The following ORC3 variants were observed in gnomAD, a reference collection of about 807,000 sequenced individuals.
The protein encoded by ORC3 is homolog of latheo, Drosophila.
Under a neutral mutation model 100.7 loss-of-function variants are expected in ORC3, and 78 were observed. The ratio of observed to expected loss-of-function variants is 0.77; its 90% CI spans 0.65 to 0.94. The LOEUF (loss-of-function observed/expected upper bound fraction) is 0.94, where lower values mean the gene tolerates loss of function less well. Among genes scored for constraint, ORC3 ranks in the 40% least tolerant of loss-of-function variants. The pLI is 0.00. For synonymous variants in ORC3, 295 were observed against 289.3 expected (o/e 1.02, Z -0.20); for missense variants, 789 against 823.9 (o/e 0.96, Z 0.52).
chr6:87,601,433 G>A (rs2128247313), intron 2 of ORC3, among the ~76,000 whole-genome samples: 1 of 152,330 alleles, frequency 6.6e-6, no homozygotes, highest in South Asian at 2.1e-4. Context: ...TACTTTGGGA[G>A]GCCAAGGTGG....
At chr6:87,607,862 C>A in intron 6 of ORC3, 38 bp downstream of exon 6, 2 of 1,476,490 alleles carry the variant, frequency 1.4e-6, no homozygotes, top group Non-Finnish European at 1.9e-6. Context: ...AGGAAATTGA[C>A]GTATGATTGA....
At chr6:87,668,363 G>T (rs1221910570), downstream of ORC3, among the ~76,000 whole-genome samples, 3 of 152,162 alleles carry the variant, frequency 2.0e-5, no homozygotes, top group African/African-American at 4.8e-5. Context: ...CTTGGAAACA[G>T]AAGTGTTTTG....
chr6:87,644,812 G>A (rs1768623031), intron 13 of ORC3, among the ~76,000 whole-genome samples: 1 of 151,834 alleles, frequency 6.6e-6, no homozygotes, highest in Non-Finnish European at 1.5e-5. Flanking sequence ...TTGTGCCAGT[G>A]CACTCTAGGC....
intron 11 of ORC3, among the ~76,000 whole-genome samples, chr6:87,625,647 G>C (rs781059868): frequency 6.6e-6 from 1 of 152,130 alleles, no homozygotes; most frequent in African/African-American, 2.4e-5. Flanking sequence ...TAGGTTGCCT[G>C]TTCACTCTGA....
At chr6:87,629,584 G>A (rs1767228243) in intron 11 of ORC3, among the ~76,000 whole-genome samples, 1 of 103,336 alleles carries the variant, frequency 9.7e-6, no homozygotes, top group South Asian at 3.1e-4. Context: ...ATAGATTCAG[G>A]GGGTTACAGG....
intron 3 of ORC3, 82 bp downstream of exon 3, chr6:87,601,963 A>G: frequency 1.2e-6 from 1 of 818,248 alleles, no homozygotes; most frequent in Non-Finnish European, 2.1e-6. Flanking sequence ...ACCAGTTTAC[A>G]AGAGTATTGA....
In ORC3 at chr6:87,664,832, G is replaced by C; in HGVS notation, c.1923G>C (p.Arg641Ser). Residue 641 changes from arginine (R) to serine (S), a missense_variant, in exon 18 of 20, where the codon AGG (arginine) becomes AGC (serine). Coordinates refer to ENST00000392844, the MANE Select transcript of ORC3 (RefSeq NM_012381.4). ...IAYKLHLECS[R>S]LINLVDWSEA... Reference sequence around the variant, plus strand: ...ACAAACTGCACCTAGAGTGTAGCAGGCTCATCAACCTCGTGGACTGGTCAG... The same window carrying C: ...ACAAACTGCACCTAGAGTGTAGCAGCCTCATCAACCTCGTGGACTGGTCAG... 2 of 1,613,338 alleles carry C rather than the reference G, an allele frequency of 1.2e-6. No homozygotes were observed. Among genetic ancestry groups the C allele is most frequent in the Non-Finnish European group, 1.7e-6 (2 of 1,179,336 alleles).
rs141609371 is a variant in ORC3, at chr6:87,591,892, C to T, written c.24+1700C>T. Among the ~76,000 whole-genome samples, 401 of 152,232 alleles carry T rather than the reference C, an allele frequency of 2.6e-3. 2 individuals carry two copies. Among genetic ancestry groups the T allele is most frequent in the African/African-American group, 9.1e-3 (376 of 41,534 alleles). On this transcript the variant is annotated intron_variant, in intron 1 of 19. Transcript: ENST00000392844. ...GATTACAGACATGCCCCACTACACC[C>T]AGCTAATTTTGTATTTTTAGAAGAG...
At chr6:87,606,074 A>G (rs1778319316) in intron 5 of ORC3, 53 bp downstream of exon 5, 2 of 981,946 alleles carry the variant, frequency 2.0e-6, no homozygotes, top group South Asian at 2.7e-5. Flanking sequence ...GACTTCTTTC[A>G]TCCTTTTCTC....
chr6:87,634,879 T>A lies in ORC3; in HGVS notation c.1220T>A (p.Val407Asp). Reference sequence around the variant, plus strand: ...CAATTATTACTAGAAAACCTGCATGTTTATCATATGAATTACTTCCTGGTT... The same window carrying A: ...CAATTATTACTAGAAAACCTGCATGATTATCATATGAATTACTTCCTGGTT... Reference protein sequence around the residue: ...ETQLLLENLHVYHMNYFLVLR... With the variant: ...ETQLLLENLHDYHMNYFLVLR... The change falls in exon 12 of 20, where the codon GTT (valine) becomes GAT (aspartate). Residue 407 changes from valine to aspartate, a missense_variant. Transcript: ENST00000392844. The A allele has an allele frequency of 2.5e-6, 4 of 1,596,066 alleles. No homozygotes were observed. Among genetic ancestry groups the A allele is most frequent in the Non-Finnish European group, 3.4e-6 (4 of 1,163,910 alleles).
chr6:87,635,661 G>T (rs1372183673), intron 12 of ORC3, among the ~76,000 whole-genome samples: 1 of 152,000 alleles, frequency 6.6e-6, no homozygotes, highest in Non-Finnish European at 1.5e-5. Context: ...GCCCGGCGTG[G>T]TGGCACACAC....
At chr6:87,649,806 C>T (rs1406484104) in intron 13 of ORC3, among the ~76,000 whole-genome samples, 1 of 151,924 alleles carries the variant, frequency 6.6e-6, no homozygotes, top group African/African-American at 2.4e-5. Context: ...TTAAGAATAT[C>T]GATTAATTTG....
chr6:87,674,527 A>G, the ORC3 span, among the ~76,000 whole-genome samples: 1 of 151,354 alleles, frequency 6.6e-6, no homozygotes, highest in Non-Finnish European at 1.5e-5. Flanking sequence ...CAAGTTCTTA[A>G]AAGAAAAAAC....
intron 8 of ORC3, 24 bp from the exon 9 acceptor site, chr6:87,616,290 C>T: frequency 1.2e-6 from 1 of 848,642 alleles, no homozygotes. Flanking sequence ...GGAGTGTGTC[C>T]CCCTCCCTTT....
At chr6:87,622,207 CT>C (rs973422405) in intron 11 of ORC3, among the ~76,000 whole-genome samples, 194 bp downstream of exon 11, 42 of 151,930 alleles carry the variant, frequency 2.8e-4, no homozygotes, top group Non-Finnish European at 5.4e-4. Flanking sequence ...AAAGTTGAGG[CT>C]TTTTTTAATC....
chr6:87,675,056 A>C, the ORC3 span: 2 of 92,764 alleles, frequency 2.2e-5, no homozygotes, highest in Non-Finnish European at 3.9e-5. Flanking sequence ...ATAAAACTAC[A>C]AAAAAAAAAA....
chr6:87,610,488 T>C (rs1013983524), intron 7 of ORC3, among the ~76,000 whole-genome samples: 4 of 152,196 alleles, frequency 2.6e-5, no homozygotes, highest in African/African-American at 9.7e-5. Context: ...CCCAAAGTGC[T>C]AGGATTACAG....
chr6:87,633,224 CCT>C (rs1163670004), intron 11 of ORC3, among the ~76,000 whole-genome samples: 3 of 152,098 alleles, frequency 2.0e-5, no homozygotes, highest in Non-Finnish European at 2.9e-5. Flanking sequence ...AAATATTCCC[CCT>C]GTTTAAAAGC....
At chr6:87,666,691 G>A (rs376188986) in intron 19 of ORC3, among the ~76,000 whole-genome samples, 351 of 151,952 alleles carry the variant, frequency 2.3e-3, no homozygotes, top group African/African-American at 7.6e-3. Flanking sequence ...TGCCTGCCTC[G>A]GCCTCCCAAA....
Sources: gnomAD v4.1 joint callset for allele counts (sites outside exome capture counted in the v4.1 genomes callset) on GRCh38, gnomAD v4.1.1 for gene constraint, MANE v1.5 for transcripts, NCBI Gene and HGNC (gene_info 2026-07-23, HGNC 2026-07-21) for gene names.